The following SLAMF6 variants were observed in gnomAD, a reference collection of about 807,000 sequenced individuals.
SLAMF6 encodes the protein NK-T-B-antigen.
SLAMF6 carries 21 observed loss-of-function variants against 38.3 expected under a neutral mutation model. That is an observed-to-expected ratio of 0.55 (90% confidence interval 0.39 to 0.79). The LOEUF is 0.79. Ranked by LOEUF, SLAMF6 falls within the 30% of genes least tolerant of loss-of-function variation. SLAMF6 has a pLI of 0.00. For missense variants in SLAMF6, 341 were observed against 385.3 expected (o/e 0.89, Z 0.96); for synonymous variants, 152 against 146.3 (o/e 1.04, Z -0.28).
chr1:160,488,136 CA>C lies in SLAMF6; in HGVS notation c.879+951del, dbSNP rs1653069300. On this transcript the variant is annotated intron_variant, in intron 6 of 7. Coordinates refer to ENST00000368057, the MANE Select transcript of SLAMF6 (RefSeq NM_001184714.2). ...AAACAAAAAACAAACCAACAAAAAA[CA>C]AAAAAACCTCAAACTCTCCAAAGCA... Among the ~76,000 whole-genome samples the C allele has an allele frequency of 2.0e-5, 3 of 147,544 alleles. No individual in the cohort carries two copies. In the South Asian group the frequency reaches 6.5e-4, roughly 32 times the overall value.
Position 160,488,999 on chromosome 1 carries a change from A to G in SLAMF6, c.879+89T>C, listed in dbSNP as rs868319368. 12 of 1,245,632 alleles carry G rather than the reference A, an allele frequency of 9.6e-6. No individual in the cohort carries two copies. The African/African-American group carries it at 1.2e-4, about 12-fold the overall frequency. The allele number at this position is 1,245,632 out of a possible 1,614,324, so 77.2% of individuals were successfully genotyped here. On this transcript the variant is annotated intron_variant, in intron 6 of 7. Coordinates refer to ENST00000368057, the MANE Select transcript of SLAMF6 (RefSeq NM_001184714.2). ...CTGTCTTCTCCTCCCCTCAGTGGTC[A>G]TTTGTTCAGTCAGATGGTTATGGTG...
At chr1:160,513,921 C>T (rs1271426211) in intron 1 of SLAMF6, among the ~76,000 whole-genome samples, 1 of 151,366 alleles carries the variant, frequency 6.6e-6, no homozygotes, top group Non-Finnish European at 1.5e-5. Context: ...CTGAAGTACA[C>T]AATGAAGACC....
intron 7 of SLAMF6, 102 bp from the exon 8 acceptor site, chr1:160,486,856 T>A: frequency 4.5e-6 from 6 of 1,329,480 alleles, no homozygotes; most frequent in Non-Finnish European, 6.4e-6. Flanking sequence ...GAGAGGCAGA[T>A]AATAGAGATA....
At chr1:160,493,320 C>T (rs760961219) in intron 2 of SLAMF6, among the ~76,000 whole-genome samples, 2 of 152,178 alleles carry the variant, frequency 1.3e-5, no homozygotes, top group Non-Finnish European at 2.9e-5. Context: ...CAGGTCTTGG[C>T]TCAAATGTCA....
intron 1 of SLAMF6, among the ~76,000 whole-genome samples, chr1:160,511,794 C>G (rs1425295869): frequency 6.6e-6 from 1 of 152,030 alleles, no homozygotes; most frequent in African/African-American, 2.4e-5. Flanking sequence ...AATCCTGCAC[C>G]AGCAACTAAG....
intron 1 of SLAMF6, among the ~76,000 whole-genome samples, chr1:160,515,651 T>A (rs1654704916): frequency 6.6e-6 from 1 of 152,202 alleles, no homozygotes; most frequent in Admixed American, 6.5e-5. Flanking sequence ...AAAAAGCTTA[T>A]CCACCCTGAT....
At chr1:160,496,970 T>C (rs907658358) in intron 1 of SLAMF6, among the ~76,000 whole-genome samples, 1 of 152,146 alleles carries the variant, frequency 6.6e-6, no homozygotes, top group Non-Finnish European at 1.5e-5. Flanking sequence ...CTTCCATTTA[T>C]AGATAAAGGA....
intron 1 of SLAMF6, among the ~76,000 whole-genome samples, chr1:160,509,062 TA>T (rs1654337079): frequency 6.6e-6 from 1 of 152,178 alleles, no homozygotes; most frequent in Non-Finnish European, 1.5e-5. Flanking sequence ...GGTGGGAGTG[TA>T]AATTAGTTCA....
intron 6 of SLAMF6, 46 bp downstream of exon 6, chr1:160,489,042 G>T: frequency 6.6e-7 from 1 of 1,514,838 alleles, no homozygotes; most frequent in South Asian, 1.1e-5. Flanking sequence ...TGTGAACAAT[G>T]GCTGTAAAAC....
intron 1 of SLAMF6, among the ~76,000 whole-genome samples, chr1:160,513,010 G>A (rs1359309478): frequency 6.6e-6 from 1 of 152,208 alleles, no homozygotes; most frequent in African/African-American, 2.4e-5. Flanking sequence ...GGCTCAGGCT[G>A]AGAAGGATGA....
intron 1 of SLAMF6, among the ~76,000 whole-genome samples, chr1:160,506,461 G>A (rs185250170): frequency 4.7e-4 from 71 of 152,238 alleles, no homozygotes; most frequent in African/African-American, 1.7e-3. Flanking sequence ...TAAGACATTT[G>A]CAGATAAACA....
At chr1:160,522,978 G>A (rs1330442805) in intron 1 of SLAMF6, among the ~76,000 whole-genome samples, 166 bp downstream of exon 1, 2 of 152,186 alleles carry the variant, frequency 1.3e-5, no homozygotes, top group Admixed American at 1.3e-4. Flanking sequence ...CGCATCCAAA[G>A]TTGAGAGGAG....
chr1:160,521,434 C>T (rs1654978458), intron 1 of SLAMF6, among the ~76,000 whole-genome samples: 1 of 152,128 alleles, frequency 6.6e-6, no homozygotes, highest in Non-Finnish European at 1.5e-5. Context: ...GGAGTTTTAA[C>T]ACAAGGACAT....
intron 1 of SLAMF6, among the ~76,000 whole-genome samples, chr1:160,519,587 T>C (rs1654894159): frequency 6.6e-6 from 1 of 152,096 alleles, no homozygotes; most frequent in Admixed American, 6.5e-5. Context: ...ATGTAGTATA[T>C]ACAGAATACA....
intron 1 of SLAMF6, among the ~76,000 whole-genome samples, chr1:160,505,483 C>A (rs1654136037): frequency 6.6e-6 from 1 of 152,190 alleles, no homozygotes; most frequent in African/African-American, 2.4e-5. Flanking sequence ...CTCACTGCAA[C>A]CTCTGCCTCC....
chr1:160,490,057 T>A, intron 5 of SLAMF6, 141 bp downstream of exon 5: 1 of 936,230 alleles, frequency 1.1e-6, no homozygotes, highest in Non-Finnish European at 1.7e-6. Context: ...ACAGATCATC[T>A]CCCCTCACAG....
At chr1:160,504,479 G>T (rs999356377) in intron 1 of SLAMF6, among the ~76,000 whole-genome samples, 1 of 152,132 alleles carries the variant, frequency 6.6e-6, no homozygotes, top group Non-Finnish European at 1.5e-5. Context: ...CAGTCTTGAA[G>T]ACAGCCGTCT....
In SLAMF6 at chr1:160,518,688, G is replaced by A. The variant is rs182219613; in HGVS notation, c.49+4456C>T. On this transcript the variant is annotated intron_variant, in intron 1 of 7. Coordinates refer to ENST00000368057, the MANE Select transcript of SLAMF6 (RefSeq NM_001184714.2). ...ATGCAGGAACAGAAAGCCAAACACC[G>A]CATGTTCTTTAAGTGGGAGCTGAAC... Among the ~76,000 whole-genome samples, 577 of 152,008 alleles carry A rather than the reference G, an allele frequency of 3.8e-3. 5 individuals are homozygous for A. Among genetic ancestry groups the A allele is most frequent in the African/African-American group, 0.013 (533 of 41,440 alleles).
chr1:160,503,085 C>T (rs187326762), intron 1 of SLAMF6, among the ~76,000 whole-genome samples: 286 of 152,190 alleles, frequency 1.9e-3, no homozygotes, highest in Middle Eastern at 6.8e-3. Flanking sequence ...CTTGGGTAGA[C>T]GTGGTTCTCC....
Sources: allele counts gnomAD v4.1 joint callset (sites outside exome capture counted in the v4.1 genomes callset), GRCh38; gene constraint gnomAD v4.1.1; transcripts MANE v1.5; gene names NCBI Gene and HGNC (gene_info 2026-07-23, HGNC 2026-07-21).